ZFPM2: variants seen among roughly 807,000 people sequenced by gnomAD.
The protein encoded by ZFPM2 is zinc finger protein ZFPM2.
Under a neutral mutation model 98.6 loss-of-function variants are expected in ZFPM2, and 20 were observed. The ratio of observed to expected loss-of-function variants is 0.20; its 90% CI spans 0.14 to 0.29. ZFPM2 has a LOEUF of 0.29. Among genes scored for constraint, ZFPM2 ranks in the 10% least tolerant of loss-of-function variants. ZFPM2 has a pLI of 1.00. For synonymous variants in ZFPM2, 518 were observed against 502.7 expected (o/e 1.03, Z -0.41); for missense variants, 1,310 against 1,388.6 (o/e 0.94, Z 0.90).
chr8:105,413,872 G>A (rs1251751195), intron 1 of ZFPM2, among the ~76,000 whole-genome samples: 6 of 151,842 alleles, frequency 4.0e-5, no homozygotes, highest in Admixed American at 2.0e-4. Flanking sequence ...GGGATACATT[G>A]GGAAGCTCTG....
At position 105,804,191 on chromosome 8, in the gene ZFPM2, T is replaced by C. The variant is rs1186110865; in HGVS notation, c.*653T>C. 6.6e-6 allele frequency: 1 copy of C among 152,652 alleles called. No homozygotes were observed. Among genetic ancestry groups the C allele is most frequent in the Non-Finnish European group, 1.5e-5 (1 of 68,054 alleles). The allele number at this position is 152,652 out of a possible 1,614,324, so 9.5% of individuals were successfully genotyped here. A position where few individuals can be genotyped will look rare whatever the true frequency, so the allele number is the denominator to read the frequency against. On this transcript the variant is annotated 3_prime_UTR_variant, in exon 8 of 8. Transcript: ENST00000407775. ...AGATGGCAATTTTTTTCTTGTATAG[T>C]ACTTGTATTTTCTTTCGCTGATGCA...
intron 5 of ZFPM2, among the ~76,000 whole-genome samples, chr8:105,770,199 G>C (rs1307221055): frequency 1.3e-5 from 2 of 151,884 alleles, no homozygotes; most frequent in Non-Finnish European, 2.9e-5. Context: ...ATTGCCCTTA[G>C]CTTATCCTAG....
At chr8:105,380,641 T>TAAC (rs1810835292) in intron 1 of ZFPM2, among the ~76,000 whole-genome samples, 3 of 29,092 alleles carry the variant, frequency 1.0e-4, no homozygotes, top group African/African-American at 3.5e-4. Flanking sequence ...ATATTATATA[T>TAAC]ATATTATATA....
chr8:105,449,824 A>G (rs924174455), intron 3 of ZFPM2, among the ~76,000 whole-genome samples: 5 of 152,102 alleles, frequency 3.3e-5, no homozygotes, highest in South Asian at 2.1e-4. Context: ...TAAGTGCTCA[A>G]TTAATTACTC....
rs1292216045 is a variant in ZFPM2 at position 105,802,488 on chromosome 8, T to C, written c.2406T>C (p.Ser802=). 6.2e-7 allele frequency: 1 copy of C among 1,612,996 alleles called. No homozygotes were observed. Among genetic ancestry groups the C allele is most frequent in the Admixed American group, 1.7e-5 (1 of 59,854 alleles). ...TTGTCTCTAAACACTTGGAAACTTC[T>C]CTGACGATCAACAAGTGTGTTCCAG... ...PGIVSKHLET[S]LTINKCVPVS... The change falls in exon 8 of 8, where the codon TCT becomes TCC. Residue 802 remains serine (S), a synonymous_variant. Transcript: ENST00000407775.
intron 5 of ZFPM2, among the ~76,000 whole-genome samples, chr8:105,717,972 A>G (rs1302848163): frequency 2.0e-5 from 3 of 151,908 alleles, no homozygotes; most frequent in Non-Finnish European, 2.9e-5. Context: ...GGCTCCTACT[A>G]CCGAGAGACT....
At chr8:105,690,602 G>A (rs976793273) in intron 5 of ZFPM2, among the ~76,000 whole-genome samples, 1 of 152,070 alleles carries the variant, frequency 6.6e-6, no homozygotes, top group Admixed American at 6.5e-5. Flanking sequence ...CAGGTACAAC[G>A]AAATGAGACT....
intron 5 of ZFPM2, among the ~76,000 whole-genome samples, chr8:105,781,753 T>C (rs1002231919): frequency 1.3e-5 from 2 of 152,078 alleles, no homozygotes; most frequent in Non-Finnish European, 2.9e-5. Flanking sequence ...TGGAGTCACT[T>C]CCACATCACA....
intron 4 of ZFPM2, among the ~76,000 whole-genome samples, chr8:105,618,239 C>T (rs1447323903): frequency 6.6e-6 from 1 of 152,110 alleles, no homozygotes; most frequent in East Asian, 1.9e-4. Context: ...AGGAGAGTCT[C>T]ATTGCTTTAA....
chr8:105,370,903 G>A (rs1297208231), intron 1 of ZFPM2, among the ~76,000 whole-genome samples: 5 of 152,154 alleles, frequency 3.3e-5, no homozygotes, highest in Admixed American at 2.0e-4. Flanking sequence ...TCCATGTGTT[G>A]TGCTGTGTGT....
chr8:105,465,263 A>G (rs1470645589), intron 3 of ZFPM2, among the ~76,000 whole-genome samples: 4 of 152,078 alleles, frequency 2.6e-5, no homozygotes, highest in Admixed American at 6.6e-5. Flanking sequence ...CCTCTAAGAC[A>G]TTAAAAAATA....
chr8:105,779,452 A>G (rs537711881), intron 5 of ZFPM2, among the ~76,000 whole-genome samples: 1 of 152,126 alleles, frequency 6.6e-6, no homozygotes, highest in Non-Finnish European at 1.5e-5. Flanking sequence ...CATGGAAAAT[A>G]TTTTTCAGCG....
chr8:105,621,128 C>T (rs922603017), intron 4 of ZFPM2, among the ~76,000 whole-genome samples: 1 of 152,106 alleles, frequency 6.6e-6, no homozygotes, highest in African/African-American at 2.4e-5. Context: ...GGCAGTATGG[C>T]TATTTTCACC....
At chr8:105,794,750 G>A (rs1166384210) in intron 6 of ZFPM2, among the ~76,000 whole-genome samples, 3 of 152,204 alleles carry the variant, frequency 2.0e-5, no homozygotes, top group African/African-American at 4.8e-5. Context: ...GGAGCTTCCC[G>A]GCTGCTTTGT....
intron 4 of ZFPM2, among the ~76,000 whole-genome samples, chr8:105,582,640 C>T (rs1169338875): frequency 6.6e-6 from 1 of 152,106 alleles, no homozygotes; most frequent in African/African-American, 2.4e-5. Flanking sequence ...TGTGCCCAGG[C>T]CAGAGTGCAG....
chr8:105,520,150 A>C (rs1003713990), intron 3 of ZFPM2, among the ~76,000 whole-genome samples: 2 of 152,208 alleles, frequency 1.3e-5, no homozygotes, highest in African/African-American at 2.4e-5. Flanking sequence ...AGATAAATTT[A>C]AGTGTTAAAT....
rs1169318458 is a variant in ZFPM2, at chr8:105,648,504, GT to G, written c.532+14151del. Among the ~76,000 whole-genome samples the G allele has an allele frequency of 2.1e-4, 32 of 152,192 alleles. 1 individual carries two copies. Among genetic ancestry groups the G allele is most frequent in the Admixed American group, 2.0e-3 (31 of 15,278 alleles). On this transcript the variant is annotated intron_variant, in intron 5 of 7. Transcript: ENST00000407775. ...TAGGTTTTCTTCTAGGTTTTTTATG[GT>G]TTTAGGTCTAACATTTAAGTCTTTA...
At chr8:105,538,174 G>GT (rs1057074014) in intron 3 of ZFPM2, among the ~76,000 whole-genome samples, 65 of 152,116 alleles carry the variant, frequency 4.3e-4, no homozygotes, top group African/African-American at 1.3e-3. Context: ...CATATTGATT[G>GT]TAAGTCCCAA....
chr8:105,555,563 T>C (rs182559087), intron 3 of ZFPM2, among the ~76,000 whole-genome samples: 2 of 152,290 alleles, frequency 1.3e-5, no homozygotes, highest in Admixed American at 6.5e-5. Context: ...ATATCATGTG[T>C]CACAAACTCT....
Sources: allele counts gnomAD v4.1 joint callset (sites outside exome capture counted in the v4.1 genomes callset), GRCh38; gene constraint gnomAD v4.1.1; transcripts MANE v1.5; gene names NCBI Gene and HGNC (gene_info 2026-07-23, HGNC 2026-07-21).